The following NEGR1 variants were observed in gnomAD, a reference collection of about 807,000 sequenced individuals.
The protein encoded by NEGR1 is IgLON family member 4.
A neutral mutation model predicts 40.9 loss-of-function variants in NEGR1; 10 were observed. The observed-to-expected ratio is 0.24, with a 90% CI of 0.15 to 0.42. The LOEUF is 0.42. NEGR1 is among the 10% of genes least tolerant of loss of function. NEGR1 has a pLI of 1.00. For synonymous variants in NEGR1, 185 were observed against 166.8 expected (o/e 1.11, Z -0.84); for missense variants, 352 against 438.9 (o/e 0.80, Z 1.77).
chr1:71,839,040 T>C (rs1010056572), intron 2 of NEGR1, among the ~76,000 whole-genome samples: 2 of 151,908 alleles, frequency 1.3e-5, no homozygotes, highest in African/African-American at 4.8e-5. Flanking sequence ...GCTGACCACA[T>C]TGGGAAAGTT....
intron 6 of NEGR1, among the ~76,000 whole-genome samples, chr1:71,486,169 T>C (rs1360557611): frequency 2.0e-5 from 3 of 151,698 alleles, no homozygotes; most frequent in Admixed American, 2.0e-4. Context: ...TATCTCACTG[T>C]TGCTTTAAGT....
At chr1:72,034,049 A>G (rs1259393411) in intron 1 of NEGR1, among the ~76,000 whole-genome samples, 1 of 152,220 alleles carries the variant, frequency 6.6e-6, no homozygotes, top group Non-Finnish European at 1.5e-5. Flanking sequence ...CAGGTATTTC[A>G]GGAAGGTGAA....
At chr1:72,277,532 A>G (rs1035025790) in intron 1 of NEGR1, among the ~76,000 whole-genome samples, 1 of 150,490 alleles carries the variant, frequency 6.6e-6, no homozygotes, top group Non-Finnish European at 1.5e-5. Context: ...TTATACTTTT[A>G]TTAATAGTTG....
At chr1:71,614,048 T>A (rs1366627950) in intron 4 of NEGR1, among the ~76,000 whole-genome samples, 1 of 152,140 alleles carries the variant, frequency 6.6e-6, no homozygotes, top group African/African-American at 2.4e-5. Flanking sequence ...GAAATACTTC[T>A]TTTTGAAATT....
intron 1 of NEGR1, among the ~76,000 whole-genome samples, chr1:72,065,850 G>A (rs896468302): frequency 9.9e-5 from 15 of 151,834 alleles, no homozygotes; most frequent in African/African-American, 3.4e-4. Context: ...TTCTAATTTT[G>A]CCCATAAGCA....
At chr1:72,126,652 G>A (rs1259124235) in intron 1 of NEGR1, among the ~76,000 whole-genome samples, 1 of 152,150 alleles carries the variant, frequency 6.6e-6, no homozygotes, top group Non-Finnish European at 1.5e-5. Flanking sequence ...AAGGGTCAGA[G>A]ATTTTTATCC....
chr1:72,249,858 T>C (rs561197663), intron 1 of NEGR1, among the ~76,000 whole-genome samples: 15 of 152,164 alleles, frequency 9.9e-5, no homozygotes, highest in Non-Finnish European at 2.1e-4. Context: ...AAGCAACTAT[T>C]ATTTTGCACA....
intron 1 of NEGR1, among the ~76,000 whole-genome samples, chr1:72,248,059 G>A (rs1654958509): frequency 6.6e-6 from 1 of 152,170 alleles, no homozygotes; most frequent in South Asian, 2.1e-4. Flanking sequence ...GTGAGAAGTT[G>A]CTCACTGCTG....
chr1:72,112,876 T>A (rs1346499293), intron 1 of NEGR1, among the ~76,000 whole-genome samples: 1 of 151,666 alleles, frequency 6.6e-6, no homozygotes, highest in Non-Finnish European at 1.5e-5. Context: ...TTTTGCAAAA[T>A]CTTTTCCCCG....
At chr1:71,478,040 G>GT (rs1220489989) in intron 6 of NEGR1, among the ~76,000 whole-genome samples, 1 of 151,930 alleles carries the variant, frequency 6.6e-6, no homozygotes, top group African/African-American at 2.4e-5. Context: ...CTGTTTAATT[G>GT]TTTTTTCATA....
intron 2 of NEGR1, among the ~76,000 whole-genome samples, chr1:71,917,124 G>A (rs1411533993): frequency 6.6e-6 from 1 of 152,184 alleles, no homozygotes; most frequent in East Asian, 1.9e-4. Context: ...CCTGTGCACT[G>A]GGCGCCAATG....
intron 6 of NEGR1, among the ~76,000 whole-genome samples, chr1:71,463,892 C>T (rs540595022): frequency 6.6e-6 from 1 of 152,166 alleles, no homozygotes; most frequent in South Asian, 2.1e-4. Flanking sequence ...GAAAGGACCC[C>T]AAATGATACT....
At chr1:71,726,104 TAGAC>T (rs986587686) in intron 3 of NEGR1, among the ~76,000 whole-genome samples, 2 of 152,180 alleles carry the variant, frequency 1.3e-5, no homozygotes, top group African/African-American at 2.4e-5. Flanking sequence ...TTAGAAAACT[TAGAC>T]AGTACTTACG....
At chr1:71,545,894 G>T (rs562944854) in intron 6 of NEGR1, among the ~76,000 whole-genome samples, 6 of 151,674 alleles carry the variant, frequency 4.0e-5, no homozygotes, top group African/African-American at 1.4e-4. Context: ...GGCACCATTT[G>T]CTACTTTCCT....
chr1:71,800,219 T>A (rs1421826227), intron 2 of NEGR1, among the ~76,000 whole-genome samples: 1 of 152,200 alleles, frequency 6.6e-6, no homozygotes, highest in Admixed American at 6.5e-5. Context: ...GTAAATTTGT[T>A]TAAGTTCTCT....
At chr1:71,951,118 C>A (rs76685302) in intron 1 of NEGR1, among the ~76,000 whole-genome samples, 18,254 of 151,832 alleles carry the variant, frequency 0.12, 1,150 homozygotes, top group South Asian at 0.18. Flanking sequence ...TTTAAACTGG[C>A]ATTTAGGAAA....
intron 1 of NEGR1, among the ~76,000 whole-genome samples, chr1:72,051,755 T>C (rs1315705016): frequency 6.6e-6 from 1 of 151,442 alleles, no homozygotes; most frequent in Non-Finnish European, 1.5e-5. Context: ...TTCTAAGCTG[T>C]CATATAATGG....
chr1:71,494,309 A>G (rs1380112945), intron 6 of NEGR1, among the ~76,000 whole-genome samples: 2 of 152,172 alleles, frequency 1.3e-5, no homozygotes, highest in Admixed American at 6.5e-5. Flanking sequence ...TGCCAGCACT[A>G]TGTGATTAAG....
At chr1:71,705,864 G>C (rs952431677) in intron 3 of NEGR1, among the ~76,000 whole-genome samples, 3 of 150,824 alleles carry the variant, frequency 2.0e-5, no homozygotes, top group African/African-American at 7.4e-5. Context: ...AGAGAGGAAG[G>C]AAGGAAGGAA....
Sources: gnomAD v4.1 joint callset for allele counts (sites outside exome capture counted in the v4.1 genomes callset) on GRCh38, gnomAD v4.1.1 for gene constraint, MANE v1.5 for transcripts, NCBI Gene and HGNC (gene_info 2026-07-23, HGNC 2026-07-21) for gene names.